The following PPM1G variants were observed in gnomAD, a reference collection of about 807,000 sequenced individuals.
PPM1G encodes protein phosphatase, Mg2+/Mn2+ dependent 1G, also known as protein phosphatase 1G.
PPM1G carries 12 observed loss-of-function variants against 59.4 expected under a neutral mutation model. The ratio of observed to expected loss-of-function variants is 0.20; its 90% confidence interval spans 0.13 to 0.33. The LOEUF is 0.33. Ranked by LOEUF, PPM1G falls within the 10% of genes least tolerant of loss-of-function variation. The probability of loss-of-function intolerance (pLI) is 1.00; values close to 1 mark genes in which losing one functional copy is unlikely to be tolerated. For missense variants in PPM1G, 392 were observed against 681.3 expected (o/e 0.58, Z 4.73); for synonymous variants, 245 against 251.9 (o/e 0.97, Z 0.26).
At chr2:27,390,034 C>CT (rs34597229) in intron 1 of PPM1G, among the ~76,000 whole-genome samples, 1,756 of 148,920 alleles carry the variant, frequency 0.012, 38 homozygotes, top group African/African-American at 0.04. Flanking sequence ...ATCTTGTTTT[C>CT]TTTTTTTTTT....
intron 1 of PPM1G, among the ~76,000 whole-genome samples, chr2:27,402,846 A>G (rs1046608432): frequency 2.0e-4 from 24 of 117,232 alleles, no homozygotes; most frequent in Admixed American, 8.4e-4. Flanking sequence ...ATAAATAAAT[A>G]AATAAATAAA....
intron 1 of PPM1G, among the ~76,000 whole-genome samples, chr2:27,397,061 G>T (rs1048614148): frequency 6.6e-6 from 1 of 151,942 alleles, no homozygotes; most frequent in South Asian, 2.1e-4. Flanking sequence ...TAGAGATGGG[G>T]TTTCTCCACG....
chr2:27,396,194 C>A (rs1408731463), intron 1 of PPM1G, among the ~76,000 whole-genome samples: 1 of 151,662 alleles, frequency 6.6e-6, no homozygotes, highest in African/African-American at 2.4e-5. Flanking sequence ...ATCACTTGAA[C>A]CTGGGAGGTG....
Position 27,384,232 on chromosome 2 carries a change from G to A in PPM1G, c.826-140C>T. On this transcript the variant is annotated intron_variant, in intron 5 of 9. Coordinates refer to ENST00000344034, the MANE Select transcript of PPM1G (RefSeq NM_177983.3). This position sits in a 1 kb window ranked among gnomAD's most constrained non-coding sequence, Gnocchi z 4.8. ...ATACAAGTATATGGTCATGAAAATT[G>A]GGGGGATGGAAAGGGCTAGCATGAG... is the stretch of plus-strand genomic sequence containing the variant. 1 of 1,416,678 alleles carries A rather than the reference G, an allele frequency of 7.1e-7. No homozygotes were observed. Among genetic ancestry groups the A allele is most frequent in the Non-Finnish European group, 9.5e-7 (1 of 1,052,288 alleles). The allele number at this position is 1,416,678 out of a possible 1,614,324, so 87.8% of individuals were successfully genotyped here. A position where few individuals can be genotyped will look rare whatever the true frequency, so the allele number is the denominator to read the frequency against.
chr2:27,383,760 A>G lies in PPM1G; in HGVS notation c.967-160T>C, dbSNP rs529611443. Among the ~76,000 whole-genome samples the G allele has an allele frequency of 6.6e-6, 1 of 151,758 alleles. No homozygotes were observed. Among genetic ancestry groups the G allele is most frequent in the African/African-American group, 2.4e-5 (1 of 41,360 alleles). On this transcript the variant is annotated intron_variant, in intron 6 of 9. Transcript: ENST00000344034. This position sits in a 1 kb window ranked among gnomAD's most constrained non-coding sequence, Gnocchi z 5.0. ...TTCATCTTTCTAGAGACAGCAGCACACTCCCTCTCCCTTGTTTTTAGATAA... is the reference window on the plus strand; with the variant it reads ...TTCATCTTTCTAGAGACAGCAGCACGCTCCCTCTCCCTTGTTTTTAGATAA...
Position 27,383,303 on chromosome 2 carries a change from T to C in PPM1G, c.1201+63A>G. ...AAGCACTAGGAAGATTAAAGTTTGCTACTAGGTAGTCTGGGACAGAGAGAA... is the reference window on the plus strand; with the variant it reads ...AAGCACTAGGAAGATTAAAGTTTGCCACTAGGTAGTCTGGGACAGAGAGAA... On this transcript the variant is annotated intron_variant, in intron 7 of 9. Coordinates refer to ENST00000344034, the MANE Select transcript of PPM1G (RefSeq NM_177983.3). The surrounding 1 kb of genome is among the most constrained non-coding windows in gnomAD (Gnocchi z 5.0). The C allele has an allele frequency of 6.8e-7, 1 of 1,465,878 alleles. No individual in the cohort carries two copies. The highest frequency in any genetic ancestry group is 1.8e-4 in the Middle Eastern group (1 of 5,700). 90.8% of individuals were successfully genotyped at this position (1,465,878 alleles called of 1,614,324 possible).
At chr2:27,393,098 G>A in intron 1 of PPM1G, 1 of 1,279,950 alleles carries the variant, frequency 7.8e-7, no homozygotes, top group Middle Eastern at 2.6e-4. Context: ...TCCCCGCACA[G>A]TCTGGTTTCT....
At chr2:27,403,896 G>C (rs1684240463) in intron 1 of PPM1G, among the ~76,000 whole-genome samples, 1 of 151,858 alleles carries the variant, frequency 6.6e-6, no homozygotes. Context: ...GAGAGAGAGA[G>C]AGAAATTCTG....
At position 27,407,255 on chromosome 2, in the gene PPM1G, C is replaced by T. The variant is rs140959446; in HGVS notation, c.120+2048G>A. 4.9e-3 allele frequency among the ~76,000 whole-genome samples: 737 copies of T among 150,412 alleles called. 9 individuals are homozygous for T. The highest frequency in any genetic ancestry group is 0.017 in the African/African-American group (698 of 40,934). ...TGTTAGGATTACAGGCATGAGCCAC[C>T]ATGCCTGGCCTATTCATTTATTTTT... is the stretch of plus-strand genomic sequence containing the variant. On this transcript the variant is annotated intron_variant, in intron 1 of 9. Transcript: ENST00000344034.
At chr2:27,390,271 C>G (rs1298708482) in intron 1 of PPM1G, among the ~76,000 whole-genome samples, 6 of 152,136 alleles carry the variant, frequency 3.9e-5, no homozygotes, top group Non-Finnish European at 8.8e-5. Context: ...CTGCCCAGCT[C>G]GGCCTCCCAA....
chr2:27,398,629 C>A (rs977513247), intron 1 of PPM1G, among the ~76,000 whole-genome samples: 3 of 151,730 alleles, frequency 2.0e-5, no homozygotes, highest in Non-Finnish European at 4.4e-5. Context: ...CGAGACTATC[C>A]TGGCCAACAT....
intron 1 of PPM1G, among the ~76,000 whole-genome samples, chr2:27,407,351 C>A (rs1028381933): frequency 6.6e-6 from 1 of 152,144 alleles, no homozygotes; most frequent in Non-Finnish European, 1.5e-5. Context: ...GAAGGCTCTG[C>A]CTCTCAGGCT....
intron 1 of PPM1G, among the ~76,000 whole-genome samples, chr2:27,399,479 C>G (rs1684132848): frequency 6.6e-6 from 1 of 152,044 alleles, no homozygotes; most frequent in African/African-American, 2.4e-5. Flanking sequence ...TCGACACCAG[C>G]CTGAACAACA....
rs549784613 is a variant in PPM1G at position 27,385,971 on chromosome 2, G to A, written c.277-92C>T. 2 of 1,453,880 alleles carry A rather than the reference G, an allele frequency of 1.4e-6. No homozygotes were observed. The highest frequency in any genetic ancestry group is 1.4e-5 in the African/African-American group (1 of 70,416). The allele number at this position is 1,453,880 out of a possible 1,614,324, so 90.1% of individuals were successfully genotyped here. On this transcript the variant is annotated intron_variant, in intron 3 of 9. Coordinates refer to ENST00000344034, the MANE Select transcript of PPM1G (RefSeq NM_177983.3). This position sits in a 1 kb window ranked among gnomAD's most constrained non-coding sequence, Gnocchi z 4.1. ...AGGATGGAATACAAATTAAGAGTGT[G>A]AGCCACCACACTAAGAGACACTCAC...
intron 1 of PPM1G, among the ~76,000 whole-genome samples, chr2:27,406,102 T>C (rs1378922133): frequency 6.6e-6 from 1 of 152,190 alleles, no homozygotes; most frequent in Non-Finnish European, 1.5e-5. Flanking sequence ...CTATTGATGA[T>C]TGCCATTTTT....
chr2:27,395,722 G>A (rs1321984333), intron 1 of PPM1G, among the ~76,000 whole-genome samples: 1 of 151,660 alleles, frequency 6.6e-6, no homozygotes, highest in Non-Finnish European at 1.5e-5. Context: ...GTGCACACCT[G>A]CAGTCCCACC....
intron 1 of PPM1G, chr2:27,392,863 T>G (rs1683949675): frequency 7.5e-6 from 11 of 1,458,534 alleles, no homozygotes; most frequent in South Asian, 2.3e-5. Flanking sequence ...CGCTCCCATC[T>G]CGTGCATGTT....
Position 27,385,580 on chromosome 2 carries a change from C to T in PPM1G, c.409+167G>A. 1 of 826,114 alleles carries T rather than the reference C, an allele frequency of 1.2e-6. No homozygotes were observed. Among genetic ancestry groups the T allele is most frequent in the Non-Finnish European group, 1.8e-6 (1 of 552,584 alleles). The allele number at this position is 826,114 out of a possible 1,614,324, so 51.2% of individuals were successfully genotyped here. On this transcript the variant is annotated intron_variant, in intron 4 of 9. Coordinates refer to ENST00000344034, the MANE Select transcript of PPM1G (RefSeq NM_177983.3). The surrounding 1 kb of genome is among the most constrained non-coding windows in gnomAD (Gnocchi z 4.1). ...TGCCACTCAACGAAGATAATTCTCTCCCTCCTTTTCATAACCACATACAAT... is the reference window on the plus strand; with the variant it reads ...TGCCACTCAACGAAGATAATTCTCTTCCTCCTTTTCATAACCACATACAAT...
At position 27,384,217 on chromosome 2, in the gene PPM1G, A is replaced by G. The variant is rs891707305; in HGVS notation, c.826-125T>C. 2 of 1,474,754 alleles carry G rather than the reference A, an allele frequency of 1.4e-6. No individual in the cohort carries two copies. Among genetic ancestry groups the G allele is most frequent in the Non-Finnish European group, 1.8e-6 (2 of 1,097,278 alleles). The allele number at this position is 1,474,754 out of a possible 1,614,324, so 91.4% of individuals were successfully genotyped here. On this transcript the variant is annotated intron_variant, in intron 5 of 9. Transcript: ENST00000344034. The surrounding 1 kb of genome is among the most constrained non-coding windows in gnomAD (Gnocchi z 4.8). ...TCAAAACACTGAAAGATACAAGTATATGGTCATGAAAATTGGGGGGATGGA... is the reference window on the plus strand; with the variant it reads ...TCAAAACACTGAAAGATACAAGTATGTGGTCATGAAAATTGGGGGGATGGA...
Sources: allele counts gnomAD v4.1 joint callset (sites outside exome capture counted in the v4.1 genomes callset), GRCh38; gene constraint gnomAD v4.1.1; non-coding constraint Gnocchi (gnomAD v3.1); transcripts MANE v1.5; gene names NCBI Gene and HGNC (gene_info 2026-07-23, HGNC 2026-07-21).